ADARB2: variants seen among roughly 807,000 people sequenced by gnomAD.
ADARB2 encodes adenosine deaminase RNA specific B2 (inactive).
ADARB2 carries 25 observed loss-of-function variants against 62.2 expected under a neutral mutation model. The observed-to-expected ratio is 0.40, with a 90% CI of 0.29 to 0.56. The LOEUF is 0.56. ADARB2 is among the 20% of genes least tolerant of loss of function. ADARB2 has a pLI of 0.43. For synonymous variants in ADARB2, 572 were observed against 500.8 expected (o/e 1.14, Z -1.90); for missense variants, 1,071 against 1,077.4 (o/e 0.99, Z 0.08).
At chr10:1,630,881 G>A (rs1006253961) in intron 1 of ADARB2, among the ~76,000 whole-genome samples, 5 of 152,048 alleles carry the variant, frequency 3.3e-5, no homozygotes, top group African/African-American at 9.7e-5. Flanking sequence ...CTTGAACCCA[G>A]GAGATGGAGG....
At chr10:1,503,228 G>GTTC (rs1831788451) in intron 1 of ADARB2, among the ~76,000 whole-genome samples, 1 of 152,032 alleles carries the variant, frequency 6.6e-6, no homozygotes, top group Non-Finnish European at 1.5e-5. Context: ...TGTTGTTGTT[G>GTTC]TTCAGTCTGT....
chr10:1,406,753 G>T (rs1832710651), intron 1 of ADARB2, among the ~76,000 whole-genome samples: 1 of 152,282 alleles, frequency 6.6e-6, no homozygotes, highest in East Asian at 1.9e-4. Context: ...CGGGTTCGAT[G>T]ACACCAACGC....
chr10:1,325,524 TAA>T (rs1831836648), intron 3 of ADARB2, among the ~76,000 whole-genome samples: 1 of 152,208 alleles, frequency 6.6e-6, no homozygotes, highest in Non-Finnish European at 1.5e-5. Context: ...GGGTGAAATG[TAA>T]AGTGGAATTG....
chr10:1,561,412 C>G lies in ADARB2; in HGVS notation c.100+175639G>C, dbSNP rs542238246. Reference sequence around the variant, plus strand: ...CTAGTTTTTTGGAATTGACTTCATACAGCATTCAACATATTCTTCAACAAC... The same window carrying G: ...CTAGTTTTTTGGAATTGACTTCATAGAGCATTCAACATATTCTTCAACAAC... On this transcript the variant is annotated intron_variant, in intron 1 of 9. Coordinates refer to ENST00000381312, the MANE Select transcript of ADARB2 (RefSeq NM_018702.4). Among the ~76,000 whole-genome samples the G allele has an allele frequency of 2.6e-5, 4 of 152,350 alleles. 1 individual carries two copies. In the South Asian group the frequency reaches 8.3e-4, roughly 32 times the overall value.
intron 1 of ADARB2, among the ~76,000 whole-genome samples, chr10:1,478,612 G>C (rs1471414713): frequency 2.0e-5 from 3 of 151,618 alleles, no homozygotes; most frequent in African/African-American, 7.3e-5. Flanking sequence ...ACCCTCAGAT[G>C]GGAGTGCGCC....
intron 1 of ADARB2, among the ~76,000 whole-genome samples, chr10:1,541,192 C>T (rs558193743): frequency 5.1e-5 from 3 of 58,930 alleles, no homozygotes; most frequent in African/African-American, 6.9e-5. Flanking sequence ...GGATCACAGC[C>T]GCCCAGACCC....
chr10:1,692,989 C>T (rs1564369110), intron 1 of ADARB2, among the ~76,000 whole-genome samples: 1 of 152,164 alleles, frequency 6.6e-6, no homozygotes, highest in Non-Finnish European at 1.5e-5. Flanking sequence ...GACCTCCCCA[C>T]CCTCCAGGTG....
At chr10:1,634,819 C>T (rs980418131) in intron 1 of ADARB2, among the ~76,000 whole-genome samples, 3 of 152,162 alleles carry the variant, frequency 2.0e-5, no homozygotes, top group Non-Finnish European at 4.4e-5. Flanking sequence ...TGCAAATATT[C>T]ATTAATAGTC....
At chr10:1,397,018 A>T in intron 1 of ADARB2, among the ~76,000 whole-genome samples, 1 of 12,870 alleles carries the variant, frequency 7.8e-5, no homozygotes, top group East Asian at 2.0e-3. Context: ...CTGGGTCACC[A>T]TCAGCCTCTC....
intron 1 of ADARB2, among the ~76,000 whole-genome samples, chr10:1,523,274 A>G (rs1396452841): frequency 6.6e-6 from 1 of 152,212 alleles, no homozygotes. Context: ...TAACGTAGGC[A>G]GTGGAAGTAA....
chr10:1,325,687 A>G (rs1375236194), intron 3 of ADARB2, among the ~76,000 whole-genome samples: 3 of 152,174 alleles, frequency 2.0e-5, no homozygotes, highest in Non-Finnish European at 4.4e-5. Flanking sequence ...CGGTTGTGAG[A>G]CAGCCCCTGA....
chr10:1,607,763 G>T (rs1456411470), intron 1 of ADARB2, among the ~76,000 whole-genome samples: 1 of 152,236 alleles, frequency 6.6e-6, no homozygotes, highest in Non-Finnish European at 1.5e-5. Flanking sequence ...CATCCGCCCA[G>T]TGCCTCTGGA....
At chr10:1,671,080 C>T (rs370811151) in intron 1 of ADARB2, among the ~76,000 whole-genome samples, 2 of 152,204 alleles carry the variant, frequency 1.3e-5, no homozygotes, top group East Asian at 1.9e-4. Flanking sequence ...ATTTCATCTC[C>T]GTGCCGCGCA....
intron 1 of ADARB2, among the ~76,000 whole-genome samples, chr10:1,550,895 A>T (rs769553153): frequency 7.9e-5 from 12 of 152,208 alleles, no homozygotes; most frequent in Non-Finnish European, 1.0e-4. Flanking sequence ...AACAGGAAGA[A>T]TGGTGTGGAG....
intron 3 of ADARB2, among the ~76,000 whole-genome samples, chr10:1,318,372 G>A (rs1488147861): frequency 6.6e-6 from 1 of 152,178 alleles, no homozygotes; most frequent in East Asian, 1.9e-4. Context: ...ACAGCTCCCT[G>A]CAGAATTTGA....
intron 1 of ADARB2, among the ~76,000 whole-genome samples, chr10:1,597,471 A>AT (rs1833350310): frequency 6.6e-6 from 1 of 152,358 alleles, no homozygotes; most frequent in East Asian, 1.9e-4. Flanking sequence ...ATGAGCAGAC[A>AT]TTTTCAAAAA....
chr10:1,637,020 A>C (rs1833925270), intron 1 of ADARB2, among the ~76,000 whole-genome samples: 1 of 151,544 alleles, frequency 6.6e-6, no homozygotes, highest in South Asian at 2.1e-4. Flanking sequence ...TTTTTTTCTG[A>C]AAAGTGCCCT....
intron 6 of ADARB2, among the ~76,000 whole-genome samples, chr10:1,220,243 ATGG>A (rs1264800653): frequency 6.8e-4 from 74 of 108,228 alleles, no homozygotes; most frequent in East Asian, 1.1e-3. Context: ...GGTGGTGATA[ATGG>A]TGGTGGTGGT....
intron 6 of ADARB2, among the ~76,000 whole-genome samples, chr10:1,227,999 G>A (rs895777758): frequency 4.6e-5 from 7 of 152,122 alleles, no homozygotes; most frequent in African/African-American, 1.7e-4. Context: ...TGCAATGCAC[G>A]GATATTATCA....
Sources: gnomAD v4.1 joint callset for allele counts (sites outside exome capture counted in the v4.1 genomes callset) on GRCh38, gnomAD v4.1.1 for gene constraint, MANE v1.5 for transcripts, NCBI Gene and HGNC (gene_info 2026-07-23, HGNC 2026-07-21) for gene names.